DAZAP1: variants seen among roughly 807,000 people sequenced by gnomAD.
The protein encoded by DAZAP1 is DAZ associated protein 1, also known as DAZ-associated protein 1.
DAZAP1 carries 6 observed loss-of-function variants against 60.1 expected under a neutral mutation model. The ratio of observed to expected loss-of-function variants is 0.10; its 90% CI spans 0.05 to 0.20. The LOEUF is 0.20. Among genes scored for constraint, DAZAP1 ranks in the 10% least tolerant of loss-of-function variants. The pLI, the probability that DAZAP1 is intolerant of heterozygous loss-of-function variation, is 1.00. For missense variants in DAZAP1, 366 were observed against 560.4 expected (o/e 0.65, Z 3.50); for synonymous variants, 235 against 215.9 (o/e 1.09, Z -0.78).
intron 1 of DAZAP1, among the ~76,000 whole-genome samples, chr19:1,414,692 C>T (rs903198524): frequency 6.6e-5 from 10 of 151,542 alleles, no homozygotes; most frequent in Non-Finnish European, 1.0e-4. Context: ...GCTGAGATCG[C>T]GCCACTACAC....
At position 1,430,254 on chromosome 19, in the gene DAZAP1, G is replaced by GGGCCCCC; in HGVS notation, c.763_764insGGCCCCC (p.Ala255GlyfsTer174). The GGGCCCCC allele has an allele frequency of 1.1e-5, 14 of 1,295,238 alleles. No individual in the cohort carries two copies. The highest frequency in any genetic ancestry group is 1.5e-5 in the Non-Finnish European group (14 of 924,048). 80.2% of individuals were successfully genotyped at this position (1,295,238 alleles called of 1,614,324 possible). A position where few individuals can be genotyped will look rare whatever the true frequency, so the allele number is the denominator to read the frequency against. On this transcript the variant is annotated frameshift_variant, in exon 10 of 12. Coordinates refer to ENST00000233078, the MANE Select transcript of DAZAP1 (RefSeq NM_018959.4). LOFTEE classifies it high-confidence loss of function. Reference sequence around the variant, plus strand: ...TGGACCGCCCCCTGCAGGAAGAGGAGCCCCCCCGCCACCCCCACCGTTCAC... The same window carrying GGGCCCCC: ...TGGACCGCCCCCTGCAGGAAGAGGAGGGCCCCCCCCCCCCGCCACCCCCACCGTTCAC...
chr19:1,412,179 C>G (rs574748167), intron 1 of DAZAP1, among the ~76,000 whole-genome samples: 1 of 152,134 alleles, frequency 6.6e-6, no homozygotes, highest in African/African-American at 2.4e-5. Flanking sequence ...CTCCTGTGTT[C>G]TGTGGACCCC....
chr19:1,432,927 A>C lies in DAZAP1; in HGVS notation c.1048+237A>C. 1 of 535,286 alleles carries C rather than the reference A, an allele frequency of 1.9e-6. No individual in the cohort carries two copies. The highest frequency in any genetic ancestry group is 2.5e-5 in the South Asian group (1 of 40,298). The allele number at this position is 535,286 out of a possible 1,614,324, so 33.2% of individuals were successfully genotyped here. ...GCACTCGTCATACAGCAGGTGCTGC[A>C]GGGCCTGCATGTGTGGGAACCTGAG... On this transcript the variant is annotated intron_variant, in intron 11 of 11. Transcript: ENST00000233078. This position sits in a 1 kb window ranked among gnomAD's most constrained non-coding sequence, Gnocchi z 4.9.
At position 1,408,725 on chromosome 19, in the gene DAZAP1, T is replaced by C. The variant is rs2082737838; in HGVS notation, c.29+923T>C. Among the ~76,000 whole-genome samples, 3 of 152,272 alleles carry C rather than the reference T, an allele frequency of 2.0e-5. No homozygotes were observed. The South Asian group carries it at 6.2e-4, about 32-fold the overall frequency. ...CGCGGATCTTTGCTGCGCCGAGGCG[T>C]CCCCTCCTATAGGAGCCTGACCTGC... On this transcript the variant is annotated intron_variant, in intron 1 of 11. Coordinates refer to ENST00000233078, the MANE Select transcript of DAZAP1 (RefSeq NM_018959.4).
rs753438395 is a variant in DAZAP1 at position 1,435,011 on chromosome 19, T to TGGGGGGG, written c.*104_*110dup. On this transcript the variant is annotated 3_prime_UTR_variant, in exon 12 of 12. Coordinates refer to ENST00000233078, the MANE Select transcript of DAZAP1 (RefSeq NM_018959.4). ...TGGCGGCAAAGTGGCGACTCAACCT[T>TGGGGGGG]GGGGGGGGGGGCGGGGGGAGGGCGC... 5.5e-5 allele frequency: 1 copy of TGGGGGGG among 18,332 alleles called. No individual in the cohort carries two copies. The highest frequency in any genetic ancestry group is 1.1e-4 in the Non-Finnish European group (1 of 8,900). The allele number at this position is 18,332 out of a possible 1,614,324, so 1.1% of individuals were successfully genotyped here.
At position 1,418,116 on chromosome 19, in the gene DAZAP1, G is replaced by A. The variant is rs1600205725; in HGVS notation, c.71-88G>A. The A allele has an allele frequency of 7.2e-7, 1 of 1,391,724 alleles. No individual in the cohort carries two copies. Among genetic ancestry groups the A allele is most frequent in the Admixed American group, 1.7e-5 (1 of 57,586 alleles). 86.2% of individuals were successfully genotyped at this position (1,391,724 alleles called of 1,614,324 possible). A position where few individuals can be genotyped will look rare whatever the true frequency, so the allele number is the denominator to read the frequency against. ...CGCTCGGTGCGTGGCTGGTGGACTG[G>A]AGGAGTGTGCGTGCCGGCAGCACTG... On this transcript the variant is annotated intron_variant, in intron 2 of 11. Transcript: ENST00000233078. This position sits in a 1 kb window ranked among gnomAD's most constrained non-coding sequence, Gnocchi z 5.7.
Position 1,418,098 on chromosome 19 carries a change from T to C in DAZAP1, c.71-106T>C, listed in dbSNP as rs548744925. The C allele has an allele frequency of 8.4e-7, 1 of 1,189,102 alleles. No homozygotes were observed. Among genetic ancestry groups the C allele is most frequent in the East Asian group, 2.4e-5 (1 of 42,274 alleles). The allele number at this position is 1,189,102 out of a possible 1,614,324, so 73.7% of individuals were successfully genotyped here. A position where few individuals can be genotyped will look rare whatever the true frequency, so the allele number is the denominator to read the frequency against. On this transcript the variant is annotated intron_variant, in intron 2 of 11. Coordinates refer to ENST00000233078, the MANE Select transcript of DAZAP1 (RefSeq NM_018959.4). This position sits in a 1 kb window ranked among gnomAD's most constrained non-coding sequence, Gnocchi z 5.7. The stretch of plus-strand genomic sequence containing the variant: ...CCACCCCCAGTGCAGCATCGCTCGG[T>C]GCGTGGCTGGTGGACTGGAGGAGTG...
chr19:1,433,736 C>T lies in DAZAP1; in HGVS notation c.1049-1001C>T. On this transcript the variant is annotated intron_variant, in intron 11 of 11. Transcript: ENST00000233078. The surrounding 1 kb of genome is among the most constrained non-coding windows in gnomAD (Gnocchi z 6.1). ...TGGTCACCCTGGTCTCGTCTCTTGC[C>T]AGGCCTGGGTTCCTATTCTCCAGCC... 1 of 1,613,354 alleles carries T rather than the reference C, an allele frequency of 6.2e-7. No individual in the cohort carries two copies. Among genetic ancestry groups the T allele is most frequent in the East Asian group, 2.2e-5 (1 of 44,880 alleles).
rs372031939 is a variant in DAZAP1 at position 1,414,727 on chromosome 19, C to T, written c.30-2773C>T. On this transcript the variant is annotated intron_variant, in intron 1 of 11. Transcript: ENST00000233078. ...CTCCAGCCTGGGCAACACAGCGAGA[C>T]AATTTTTCAAAAAAAAATTGAGAAA... Among the ~76,000 whole-genome samples, 19 of 150,706 alleles carry T rather than the reference C, an allele frequency of 1.3e-4. No homozygotes were observed. The East Asian group carries it at 3.1e-3, about 25-fold the overall frequency.
chr19:1,407,897 C>T (rs1460334812), intron 1 of DAZAP1, 95 bp downstream of exon 1: 2 of 1,002,832 alleles, frequency 2.0e-6, no homozygotes, highest in East Asian at 8.2e-5. Context: ...GGGGCCGCCC[C>T]GTCAAGGTCA....
rs564751951 is a variant in DAZAP1 at position 1,414,185 on chromosome 19, T to G, written c.30-3315T>G. Among the ~76,000 whole-genome samples the G allele has an allele frequency of 8.6e-5, 13 of 151,946 alleles. No homozygotes were observed. In the East Asian group the frequency reaches 2.6e-3, roughly 30 times the overall value. ...GGTGCGCACCACCGAGCCCAGCTAA[T>G]TTTTGTATTTTTAGTAGAGATGGGG... On this transcript the variant is annotated intron_variant, in intron 1 of 11. Coordinates refer to ENST00000233078, the MANE Select transcript of DAZAP1 (RefSeq NM_018959.4).
rs377268233 is a variant in DAZAP1, at chr19:1,422,377, C to T, written c.444C>T (p.Ala148=). 26 of 1,613,948 alleles carry T rather than the reference C, an allele frequency of 1.6e-5. No individual in the cohort carries two copies. In the African/African-American group the frequency reaches 1.9e-4, roughly 12 times the overall value. ...VVTEVVMIYD[A]EKQRPRGFGF... ...CGGAGGTAGTCATGATCTATGACGCCGAGAAGCAGAGGCCCCGAGGTAAGG... is the reference window on the plus strand; with the variant it reads ...CGGAGGTAGTCATGATCTATGACGCTGAGAAGCAGAGGCCCCGAGGTAAGG... Residue 148 remains alanine (A), a synonymous_variant, in exon 6 of 12, where the codon GCC becomes GCT. Coordinates refer to ENST00000233078, the MANE Select transcript of DAZAP1 (RefSeq NM_018959.4). This position sits in a 1 kb window ranked among gnomAD's most constrained non-coding sequence, Gnocchi z 4.5.
At chr19:1,421,694 C>T (rs1055884563) in intron 5 of DAZAP1, among the ~76,000 whole-genome samples, 1 of 152,198 alleles carries the variant, frequency 6.6e-6, no homozygotes, top group African/African-American at 2.4e-5. Context: ...AGGGGGCCGG[C>T]GGGGAGCCCT....
chr19:1,421,876 A>G (rs1453740394), intron 5 of DAZAP1, among the ~76,000 whole-genome samples: 4 of 152,254 alleles, frequency 2.6e-5, no homozygotes, highest in Non-Finnish European at 4.4e-5. Flanking sequence ...GCCAGGAATG[A>G]GAGGCCTGAG....
At chr19:1,424,809 G>A (rs367569175) in intron 6 of DAZAP1, among the ~76,000 whole-genome samples, 1 of 152,218 alleles carries the variant, frequency 6.6e-6, no homozygotes, top group Non-Finnish European at 1.5e-5. Flanking sequence ...TTGGGCAGCT[G>A]TCTGCCGGGC....
rs781340226 is a variant in DAZAP1, at chr19:1,430,396, G to C, written c.871+34G>C. 3.4e-6 allele frequency: 5 copies of C among 1,467,982 alleles called. No individual in the cohort carries two copies. The African/African-American group carries it at 5.8e-5, about 17-fold the overall frequency. 90.9% of individuals were successfully genotyped at this position (1,467,982 alleles called of 1,614,324 possible). ...AGGGGGCCTTGTGGGAGGGCCTCCC[G>C]CCTGCTCCGGAGATGCCAGGTGGTG... On this transcript the variant is annotated intron_variant, in intron 10 of 11. Coordinates refer to ENST00000233078, the MANE Select transcript of DAZAP1 (RefSeq NM_018959.4).
rs1219684628 is a variant in DAZAP1, at chr19:1,428,919, C to T, written c.624C>T (p.Ser208=). ...AGCCAGGTGCCAGCCAGTGGGGGAG[C>T]CGGGTTGTGCCCAACGCTGCCAATG... is the stretch of plus-strand genomic sequence containing the variant. The part of the protein sequence containing the change: ...PGQPGASQWG[S]RVVPNAANGW... The change falls in exon 8 of 12, where the codon AGC becomes AGT. Residue 208 remains serine (S), a synonymous_variant. Transcript: ENST00000233078. This position sits in a 1 kb window ranked among gnomAD's most constrained non-coding sequence, Gnocchi z 4.0. 1 of 1,612,794 alleles carries T rather than the reference C, an allele frequency of 6.2e-7. No homozygotes were observed. Among genetic ancestry groups the T allele is most frequent in the East Asian group, 2.2e-5 (1 of 44,862 alleles).
rs1373547499 is a variant in DAZAP1, at chr19:1,418,437, TC to T, written c.237+69del. 6.3e-7 allele frequency: 1 copy of T among 1,576,692 alleles called. No homozygotes were observed. The highest frequency in any genetic ancestry group is 1.4e-5 in the African/African-American group (1 of 74,022). On this transcript the variant is annotated intron_variant, in intron 3 of 11. Transcript: ENST00000233078. This position sits in a 1 kb window ranked among gnomAD's most constrained non-coding sequence, Gnocchi z 5.7. ...CCTGTCCTTCCTCTGCTTCATTTTT[TC>T]CTGGACTCTGACCGATGTTTGCGTT...
rs1033557581 is a variant in DAZAP1 at position 1,425,555 on chromosome 19, C to T, written c.464-323C>T. Among the ~76,000 whole-genome samples the T allele has an allele frequency of 6.6e-6, 1 of 152,230 alleles. No individual in the cohort carries two copies. Among genetic ancestry groups the T allele is most frequent in the African/African-American group, 2.4e-5 (1 of 41,458 alleles). ...GGCCCTCACCGTTCCCCTGTCTCCG[C>T]TGCTGTTTTATAAGATGTGCTCCTT... On this transcript the variant is annotated intron_variant, in intron 6 of 11. Coordinates refer to ENST00000233078, the MANE Select transcript of DAZAP1 (RefSeq NM_018959.4). The surrounding 1 kb of genome is among the most constrained non-coding windows in gnomAD (Gnocchi z 5.4).
Sources: allele counts gnomAD v4.1 joint callset (sites outside exome capture counted in the v4.1 genomes callset), GRCh38; gene constraint gnomAD v4.1.1; non-coding constraint Gnocchi (gnomAD v3.1); transcripts MANE v1.5; gene names NCBI Gene and HGNC (gene_info 2026-07-23, HGNC 2026-07-21).